The following OR2M4 variants were observed in gnomAD, a reference collection of about 807,000 sequenced individuals.
The protein encoded by OR2M4 is olfactory receptor 2M4.
A neutral mutation model predicts 13.7 loss-of-function variants in OR2M4; 8 were observed. That is an observed-to-expected ratio of 0.58 (90% CI 0.34 to 1.05). The LOEUF (loss-of-function observed/expected upper bound fraction) is 1.05. Among genes scored for constraint, OR2M4 ranks in the 50% least tolerant of loss-of-function variants. The pLI is 0.02. For synonymous variants in OR2M4, 152 were observed against 141.3 expected, an observed-to-expected ratio of 1.08 and a Z score of -0.53; for missense variants, 374 against 381.6, an observed-to-expected ratio of 0.98 and a Z score of 0.17.
At chr1:248,238,841 G>T (rs1666583433) in intron 1 of OR2M4, 69 bp from the exon 2 acceptor site, 1 of 972,044 alleles carries the variant, frequency 1.0e-6, no homozygotes, top group Admixed American at 2.4e-5. Flanking sequence ...CTGCCCAGTA[G>T]AGTATGTCAC....
At position 248,239,180 on chromosome 1, in the gene OR2M4, C is replaced by T. The variant is rs1666588620; in HGVS notation, c.252C>T (p.Ser84=). 3.1e-6 allele frequency: 5 copies of T among 1,614,106 alleles called. No individual in the cohort carries two copies. The highest frequency in any genetic ancestry group is 4.2e-6 in the Non-Finnish European group (5 of 1,179,988). Residue 84 remains serine, a synonymous_variant, in exon 2 of 2, where the codon AGC becomes AGT. Coordinates refer to ENST00000641868, the MANE Select transcript of OR2M4 (RefSeq NM_017504.2). ...ICTTLPKMIF[S]YLSGKKSISL... ...CCACTCTACCCAAGATGATCTTCAGCTACTTGTCTGGGAAGAAATCTATCT... is the reference window on the plus strand; with the variant it reads ...CCACTCTACCCAAGATGATCTTCAGTTACTTGTCTGGGAAGAAATCTATCT...
Position 248,240,014 on chromosome 1 carries a change from A to G in OR2M4, c.*150A>G. On this transcript the variant is annotated 3_prime_UTR_variant, in exon 2 of 2. Transcript: ENST00000641868. ...TTATCTATTCAGTATATTATTACAT[A>G]TACATCGTTTGTATACTAAGCTAGA... 3.6e-6 allele frequency: 2 copies of G among 559,192 alleles called. No individual in the cohort carries two copies. Among genetic ancestry groups the G allele is most frequent in the Non-Finnish European group, 3.1e-6 (1 of 326,534 alleles). The allele number at this position is 559,192 out of a possible 1,614,324, so 34.6% of individuals were successfully genotyped here. A position where few individuals can be genotyped will look rare whatever the true frequency, so the allele number is the denominator to read the frequency against.
In OR2M4 at chr1:248,243,374, A is replaced by C. The variant is rs1185274849; in HGVS notation, c.*3510A>C. 1 of 152,154 alleles carries C rather than the reference A, an allele frequency of 6.6e-6. No individual in the cohort carries two copies. Among genetic ancestry groups the C allele is most frequent in the Non-Finnish European group, 1.5e-5 (1 of 68,038 alleles). The allele number at this position is 152,154 out of a possible 1,614,324, so 9.4% of individuals were successfully genotyped here. A position where few individuals can be genotyped will look rare whatever the true frequency, so the allele number is the denominator to read the frequency against. ...ACTTGGCTCTTTCGTGTTTCCTGGC[A>C]TTCGCAGGCACGCTGTCCGGTGGGG... is the stretch of plus-strand genomic sequence containing the variant. On this transcript the variant is annotated 3_prime_UTR_variant, in exon 2 of 2. Transcript: ENST00000641868.
Position 248,241,352 on chromosome 1 carries a change from T to C in OR2M4, c.*1488T>C, listed in dbSNP as rs10888329. 0.77 allele frequency: 117,488 copies of C among 152,086 alleles called. 45,502 individuals carry two copies. The highest frequency in any genetic ancestry group is 0.88 in the South Asian group (4,252 of 4,812). 9.4% of individuals were successfully genotyped at this position (152,086 alleles called of 1,614,324 possible). ...CTTATTCCAGGACCTCCATCCCAGA[T>C]GACATTTCTATATACACCCTGGGCA... On this transcript the variant is annotated 3_prime_UTR_variant, in exon 2 of 2. Transcript: ENST00000641868.
rs750569030 is a variant in OR2M4 at position 248,239,832 on chromosome 1, C to T, written c.904C>T (p.Gln302Ter). The change falls in exon 2 of 2, where the codon CAG becomes TAG. Residue 302 changes from glutamine (Q) to a stop codon, truncating the protein, a stop_gained. Coordinates refer to ENST00000641868, the MANE Select transcript of OR2M4 (RefSeq NM_017504.2). LOFTEE classifies it high-confidence loss of function. ...CAACAAAGAAGTGTTCAGGGCACTA[C>T]AGAAGGTACTGAAGAAAAGAAAGTT... ...LRNKEVFRAL[Q>*]KVLKKRKLI The T allele has an allele frequency of 1.1e-5, 18 of 1,607,422 alleles. No individual in the cohort carries two copies. Among genetic ancestry groups the T allele is most frequent in the East Asian group, 2.2e-5 (1 of 44,848 alleles).
Position 248,240,021 on chromosome 1 carries a change from G to A in OR2M4, c.*157G>A, listed in dbSNP as rs565386963. The A allele has an allele frequency of 5.6e-4, 303 of 536,982 alleles. 2 individuals are homozygous for A. Among genetic ancestry groups the A allele is most frequent in the African/African-American group, 5.0e-3 (260 of 51,976 alleles). The allele number at this position is 536,982 out of a possible 1,614,324, so 33.3% of individuals were successfully genotyped here. On this transcript the variant is annotated 3_prime_UTR_variant, in exon 2 of 2. Transcript: ENST00000641868. ...TTCAGTATATTATTACATATACATCGTTTGTATACTAAGCTAGATTTGGAT... is the reference window on the plus strand; with the variant it reads ...TTCAGTATATTATTACATATACATCATTTGTATACTAAGCTAGATTTGGAT...
At chr1:248,234,205 A>G (rs1165700138) in intron 1 of OR2M4, among the ~76,000 whole-genome samples, 4 of 152,046 alleles carry the variant, frequency 2.6e-5, no homozygotes, top group Non-Finnish European at 5.9e-5. Flanking sequence ...CTCCAGATGC[A>G]TTTCTTGTAG....
rs930928096 is a variant in OR2M4, at chr1:248,242,789, T to G, written c.*2925T>G. On this transcript the variant is annotated 3_prime_UTR_variant, in exon 2 of 2. Coordinates refer to ENST00000641868, the MANE Select transcript of OR2M4 (RefSeq NM_017504.2). ...AATTGAGCTTGAAATGGAAACATTTTATGATATGAATCGATAATGATTTTG... is the reference window on the plus strand; with the variant it reads ...AATTGAGCTTGAAATGGAAACATTTGATGATATGAATCGATAATGATTTTG... The G allele has an allele frequency of 6.6e-6, 1 of 152,202 alleles. No homozygotes were observed. The highest frequency in any genetic ancestry group is 1.5e-5 in the Non-Finnish European group (1 of 68,050). The allele number at this position is 152,202 out of a possible 1,614,324, so 9.4% of individuals were successfully genotyped here.
chr1:248,241,210 T>G lies in OR2M4; in HGVS notation c.*1346T>G, dbSNP rs1338687083. On this transcript the variant is annotated 3_prime_UTR_variant, in exon 2 of 2. Transcript: ENST00000641868. Reference sequence around the variant, plus strand: ...GCCTAACCTCAGGCTGCACAGCTCATGGCTCCAAAAGAGTTCTTCCACTTG... The same window carrying G: ...GCCTAACCTCAGGCTGCACAGCTCAGGGCTCCAAAAGAGTTCTTCCACTTG... The G allele has an allele frequency of 1.3e-5, 2 of 152,126 alleles. No individual in the cohort carries two copies. Among genetic ancestry groups the G allele is most frequent in the Non-Finnish European group, 2.9e-5 (2 of 68,034 alleles). The allele number at this position is 152,126 out of a possible 1,614,324, so 9.4% of individuals were successfully genotyped here. A position where few individuals can be genotyped will look rare whatever the true frequency, so the allele number is the denominator to read the frequency against.
Position 248,235,476 on chromosome 1 carries a change from T to G in OR2M4, c.-19-3434T>G, listed in dbSNP as rs548466024. The stretch of plus-strand genomic sequence containing the variant: ...TTTGTTCTTTTTGCTTAGGATTGAC[T>G]TGGCTACATGGGCTTCTTTTTGGTT... On this transcript the variant is annotated intron_variant, in intron 1 of 1. Coordinates refer to ENST00000641868, the MANE Select transcript of OR2M4 (RefSeq NM_017504.2). Among the ~76,000 whole-genome samples the G allele has an allele frequency of 2.5e-4, 38 of 152,320 alleles. 1 individual carries two copies. Among genetic ancestry groups the G allele is most frequent in the African/African-American group, 8.9e-4 (37 of 41,564 alleles).
At position 248,239,043 on chromosome 1, in the gene OR2M4, T is replaced by A. The variant is rs1340705108; in HGVS notation, c.115T>A (p.Leu39Met). 6.2e-7 allele frequency: 1 copy of A among 1,613,928 alleles called. No individual in the cohort carries two copies. The highest frequency in any genetic ancestry group is 1.1e-5 in the South Asian group (1 of 91,068). Residue 39 changes from leucine (L) to methionine (M), a missense_variant, in exon 2 of 2, where the codon TTG becomes ATG. By Grantham distance (15) the Leu-to-Met change is conservative. Coordinates refer to ENST00000641868, the MANE Select transcript of OR2M4 (RefSeq NM_017504.2). ...SLVLGIFSLA[L>M]MENISMVLLI... ...GGTCCTGGGCATCTTCTCACTGGCA[T>A]TGATGGAAAATATTTCCATGGTTCT...
At chr1:248,237,763 G>C (rs183413043) in intron 1 of OR2M4, among the ~76,000 whole-genome samples, 1 of 152,230 alleles carries the variant, frequency 6.6e-6, no homozygotes, top group Non-Finnish European at 1.5e-5. Context: ...CCAATATCAC[G>C]CTGAATGAGC....
Position 248,237,103 on chromosome 1 carries a change from C to G in OR2M4, c.-19-1807C>G, listed in dbSNP as rs1322076744. Among the ~76,000 whole-genome samples, 6 of 152,224 alleles carry G rather than the reference C, an allele frequency of 3.9e-5. No homozygotes were observed. In the South Asian group the frequency reaches 1.0e-3, roughly 26 times the overall value. On this transcript the variant is annotated intron_variant, in intron 1 of 1. Coordinates refer to ENST00000641868, the MANE Select transcript of OR2M4 (RefSeq NM_017504.2). Reference sequence around the variant, plus strand: ...CTGATACCAAAACCTGGCAGAGACACAACAAAAAGGGAACACTTCAGGCCA... The same window carrying G: ...CTGATACCAAAACCTGGCAGAGACAGAACAAAAAGGGAACACTTCAGGCCA...
At position 248,242,051 on chromosome 1, in the gene OR2M4, A is replaced by G. The variant is rs191831140; in HGVS notation, c.*2187A>G. 2.6e-4 allele frequency: 39 copies of G among 152,336 alleles called. No individual in the cohort carries two copies. Among genetic ancestry groups the G allele is most frequent in the Non-Finnish European group, 5.1e-4 (35 of 68,036 alleles). The allele number at this position is 152,336 out of a possible 1,614,324, so 9.4% of individuals were successfully genotyped here. A position where few individuals can be genotyped will look rare whatever the true frequency, so the allele number is the denominator to read the frequency against. Reference sequence around the variant, plus strand: ...TGTTTCATTCCACTTTATGATACACACTGGAAATGTTTATGCTCAGTTTTT... The same window carrying G: ...TGTTTCATTCCACTTTATGATACACGCTGGAAATGTTTATGCTCAGTTTTT... On this transcript the variant is annotated 3_prime_UTR_variant, in exon 2 of 2. Transcript: ENST00000641868.
Position 248,241,421 on chromosome 1 carries a change from C to T in OR2M4, c.*1557C>T, listed in dbSNP as rs1264727585. 1.3e-5 allele frequency: 2 copies of T among 152,078 alleles called. No homozygotes were observed. The highest frequency in any genetic ancestry group is 2.9e-5 in the Non-Finnish European group (2 of 68,030). 9.4% of individuals were successfully genotyped at this position (152,078 alleles called of 1,614,324 possible). Reference sequence around the variant, plus strand: ...TGCTTAATATTTTGCTTCGTAAGCACCAATGGATTGATTCAACTGAAATTT... The same window carrying T: ...TGCTTAATATTTTGCTTCGTAAGCATCAATGGATTGATTCAACTGAAATTT... On this transcript the variant is annotated 3_prime_UTR_variant, in exon 2 of 2. Coordinates refer to ENST00000641868, the MANE Select transcript of OR2M4 (RefSeq NM_017504.2).
Position 248,239,497 on chromosome 1 carries a change from C to G in OR2M4, c.569C>G (p.Thr190Arg). ...DVAALLPLSC[T>R]ETSAFERLLV... Reference sequence around the variant, plus strand: ...GCTGCCCTTTTACCTCTATCCTGCACAGAAACATCTGCATTTGAAAGACTA... The same window carrying G: ...GCTGCCCTTTTACCTCTATCCTGCAGAGAAACATCTGCATTTGAAAGACTA... The change falls in exon 2 of 2, where the codon ACA (threonine) becomes AGA (arginine). Residue 190 changes from threonine to arginine, a missense_variant. Physicochemically the swap from Thr to Arg is moderately conservative, Grantham distance 71 (BLOSUM62 -1). Transcript: ENST00000641868. 1 of 1,614,100 alleles carries G rather than the reference C, an allele frequency of 6.2e-7. No individual in the cohort carries two copies. The highest frequency in any genetic ancestry group is 1.1e-5 in the South Asian group (1 of 91,068).
intron 1 of OR2M4, among the ~76,000 whole-genome samples, chr1:248,237,612 C>T (rs545272922): frequency 6.6e-6 from 1 of 152,218 alleles, no homozygotes; most frequent in South Asian, 2.1e-4. Flanking sequence ...AAGATTGCAC[C>T]ATTGCACTCC....
rs147004064 is a variant in OR2M4, at chr1:248,239,157, A to C, written c.229A>C (p.Thr77Pro). The C allele has an allele frequency of 2.9e-5, 47 of 1,613,706 alleles. No individual in the cohort carries two copies. In the African/African-American group the frequency reaches 6.0e-4, roughly 21 times the overall value. Reference sequence around the variant, plus strand: ...TATGGACCTCATGCTCATCTGCACCACTCTACCCAAGATGATCTTCAGCTA... The same window carrying C: ...TATGGACCTCATGCTCATCTGCACCCCTCTACCCAAGATGATCTTCAGCTA... Reference protein sequence around the residue: ...SLMDLMLICTTLPKMIFSYLS... With the variant: ...SLMDLMLICTPLPKMIFSYLS... Residue 77 changes from threonine (T) to proline (P), a missense_variant, in exon 2 of 2, where the codon ACT becomes CCT. Physicochemically the swap from Thr to Pro is conservative, Grantham distance 38 (BLOSUM62 -1). Coordinates refer to ENST00000641868, the MANE Select transcript of OR2M4 (RefSeq NM_017504.2).
chr1:248,240,195 A>T lies in OR2M4; in HGVS notation c.*331A>T, dbSNP rs1242557862. The T allele has an allele frequency of 1.2e-5, 2 of 171,630 alleles. No individual in the cohort carries two copies. Among genetic ancestry groups the T allele is most frequent in the African/African-American group, 4.7e-5 (2 of 42,198 alleles). 10.6% of individuals were successfully genotyped at this position (171,630 alleles called of 1,614,324 possible). ...TATCAAAAAGCAAAGGTTGGAGTTGATCCTCTGTTTTTGGAGAGATGCTTC... is the reference window on the plus strand; with the variant it reads ...TATCAAAAAGCAAAGGTTGGAGTTGTTCCTCTGTTTTTGGAGAGATGCTTC... On this transcript the variant is annotated 3_prime_UTR_variant, in exon 2 of 2. Coordinates refer to ENST00000641868, the MANE Select transcript of OR2M4 (RefSeq NM_017504.2).
Sources: gnomAD v4.1 joint callset for allele counts (sites outside exome capture counted in the v4.1 genomes callset) on GRCh38, gnomAD v4.1.1 for gene constraint, MANE v1.5 for transcripts, NCBI Gene and HGNC (gene_info 2026-07-23, HGNC 2026-07-21) for gene names.